PTX4: variants seen among roughly 807,000 people sequenced by gnomAD.
PTX4 encodes the protein pentraxin 4.
In PTX4, 23 loss-of-function variants were observed where a neutral mutation model predicts 19.1. That is an observed-to-expected ratio of 1.20 (90% CI 0.87 to 1.70). PTX4 has a LOEUF of 1.70. PTX4 is among the 40% of genes most tolerant of loss of function. The pLI is 0.00. For synonymous variants in PTX4, 317 were observed against 279.6 expected, an observed-to-expected ratio of 1.13 and a Z score of -1.33; for missense variants, 678 against 610.5, an observed-to-expected ratio of 1.11 and a Z score of -1.17.
intron 1 of PTX4, chr16:1,488,566 G>T: frequency 2.8e-6 from 3 of 1,085,690 alleles, no homozygotes; most frequent in Non-Finnish European, 4.1e-6. Context: ...TATGAGGCTT[G>T]TGTCCTGTGT....
Position 1,488,879 on chromosome 16 carries a change from A to C in PTX4, c.31T>G (p.Phe11Val), listed in dbSNP as rs1047191178. Reference protein sequence around the residue: MGCSWRKTLSFFLVFVPIYLH... With the variant: MGCSWRKTLSVFLVFVPIYLH... Reference sequence around the variant, plus strand: ...TATATAGGCACAAAAACAAGGAAGAAAGACAAGGTCTTCCTCCACGAGCAA... The same window carrying C: ...TATATAGGCACAAAAACAAGGAAGACAGACAAGGTCTTCCTCCACGAGCAA... Residue 11 changes from phenylalanine (F) to valine (V), a missense_variant, in exon 1 of 3, where the codon TTC (phenylalanine) becomes GTC (valine). Physicochemically the swap from Phe to Val is conservative, Grantham distance 50. Transcript: ENST00000447419. 2.0e-5 allele frequency: 14 copies of C among 701,352 alleles called. No individual in the cohort carries two copies. The highest frequency in any genetic ancestry group is 3.4e-5 in the Non-Finnish European group (13 of 383,760). 43.4% of individuals were successfully genotyped at this position (701,352 alleles called of 1,614,324 possible). A position where few individuals can be genotyped will look rare whatever the true frequency, so the allele number is the denominator to read the frequency against.
In PTX4 at chr16:1,486,172, C is replaced by T. The variant is rs368662770; in HGVS notation, c.1204G>A (p.Val402Met). The T allele has an allele frequency of 6.8e-5, 110 of 1,613,926 alleles. No individual in the cohort carries two copies. In the East Asian group the frequency reaches 9.8e-4, roughly 14 times the overall value. Residue 402 changes from valine (V) to methionine (M), a missense_variant, in exon 3 of 3, where the codon GTG becomes ATG. Transcript: ENST00000447419. Reference protein sequence around the residue: ...GYEIPPGGSLVLGQEQDSVGG... With the variant: ...GYEIPPGGSLMLGQEQDSVGG... ...ACGCTGTCTTGTTCCTGGCCCAGCA[C>T]GAGGGACCCTCCGGGGGGGATCTCA...
chr16:1,486,192 A>C lies in PTX4; in HGVS notation c.1184T>G (p.Ile395Ser). ...CAGCACGAGGGACCCTCCGGGGGGG[A>C]TCTCATAGCCCTCCCTGAAGCGGGA... ...TGSRFREGYEIPPGGSLVLGQ... is the reference protein window; with the variant it reads ...TGSRFREGYESPPGGSLVLGQ... Residue 395 changes from isoleucine to serine, a missense_variant, in exon 3 of 3, where the codon ATC becomes AGC. Physicochemically the swap from Ile to Ser is moderately radical, Grantham distance 142. Transcript: ENST00000447419. The C allele has an allele frequency of 6.2e-7, 1 of 1,613,150 alleles. No individual in the cohort carries two copies. The highest frequency in any genetic ancestry group is 1.1e-5 in the South Asian group (1 of 90,976).
intron 1 of PTX4, 143 bp downstream of exon 1, chr16:1,488,626 A>C: frequency 1.5e-6 from 1 of 664,256 alleles, no homozygotes; most frequent in South Asian, 1.9e-5. Flanking sequence ...CAGGTGAAAT[A>C]ATCTTCATGG....
rs779011105 is a variant in PTX4 at position 1,486,367 on chromosome 16, A to C, written c.1009T>G (p.Ser337Ala). The change falls in exon 3 of 3, where the codon TCC becomes GCC. Residue 337 changes from serine to alanine, a missense_variant. Ser to Ala is a moderately conservative substitution (Grantham distance 99). Transcript: ENST00000447419. Reference sequence around the variant, plus strand: ...GGGTCCCCGATCACGAAGTGGATGGATCCGGGCAGCAGGGAGTCTCGGCCG... The same window carrying C: ...GGGTCCCCGATCACGAAGTGGATGGCTCCGGGCAGCAGGGAGTCTCGGCCG... ...LHGRDSLLPG[S>A]IHFVIGDPAF... 2.5e-6 allele frequency: 4 copies of C among 1,613,874 alleles called. No individual in the cohort carries two copies. Among genetic ancestry groups the C allele is most frequent in the Admixed American group, 3.3e-5 (2 of 60,034 alleles).
chr16:1,486,881 GTC>G (rs1441653945), intron 2 of PTX4, among the ~76,000 whole-genome samples: 8 of 152,348 alleles, frequency 5.3e-5, no homozygotes, highest in Middle Eastern at 3.4e-3. Flanking sequence ...CTGCCAGGGA[GTC>G]TCTGCAAATT....
intron 1 of PTX4, chr16:1,488,312 A>C: frequency 6.2e-7 from 1 of 1,606,312 alleles, no homozygotes; most frequent in Non-Finnish European, 8.5e-7. Flanking sequence ...TGGCCTCATG[A>C]GTGCTTTACG....
chr16:1,488,111 G>A (rs2039267058), intron 1 of PTX4, 141 bp from the exon 2 acceptor site: 2 of 1,049,016 alleles, frequency 1.9e-6, no homozygotes, highest in Non-Finnish European at 2.7e-6. Context: ...CCACCGATTT[G>A]ATCCCCACTG....
chr16:1,488,116 C>T (rs1343408948), intron 1 of PTX4, 146 bp from the exon 2 acceptor site: 1 of 1,043,458 alleles, frequency 9.6e-7, no homozygotes, highest in African/African-American at 1.6e-5. Context: ...GATTTGATCC[C>T]CACTGCGATG....
rs2142424013 is a variant in PTX4 at position 1,487,303 on chromosome 16, C to A, written c.796+13G>T. On this transcript the variant is annotated intron_variant, in intron 2 of 2. Coordinates refer to ENST00000447419, the MANE Select transcript of PTX4 (RefSeq NM_001328608.2). ...GGAAGCCTGGCCGTGAGCTGGGAGC[C>A]TGTGGTACTTACTCTCTCCTGGCAC... 2 of 1,515,026 alleles carry A rather than the reference C, an allele frequency of 1.3e-6. No individual in the cohort carries two copies. Among genetic ancestry groups the A allele is most frequent in the Middle Eastern group, 1.8e-4 (1 of 5,452 alleles). The allele number at this position is 1,515,026 out of a possible 1,614,324, so 93.8% of individuals were successfully genotyped here.
At position 1,486,134 on chromosome 16, in the gene PTX4, G is replaced by A. The variant is rs200064109; in HGVS notation, c.1242C>T (p.Phe414=). The stretch of plus-strand genomic sequence containing the variant: ...TCCCCACGAAGGCCTCGGAGCTGTC[G>A]AATCCGCCCCCCACGCTGTCTTGTT... The part of the protein sequence containing the change: ...GQEQDSVGGG[F]DSSEAFVGSM... The change falls in exon 3 of 3, where the codon TTC becomes TTT. Residue 414 remains phenylalanine, a synonymous_variant. Coordinates refer to ENST00000447419, the MANE Select transcript of PTX4 (RefSeq NM_001328608.2). 1.6e-5 allele frequency: 26 copies of A among 1,614,176 alleles called. No homozygotes were observed. The Admixed American group carries it at 1.8e-4, about 11-fold the overall frequency.
rs879648574 is a variant in PTX4 at position 1,488,791 on chromosome 16, C to T, written c.119G>A (p.Arg40Lys). 2.1e-5 allele frequency: 15 copies of T among 701,918 alleles called. No individual in the cohort carries two copies. In the Admixed American group the frequency reaches 3.0e-4, roughly 14 times the overall value. The allele number at this position is 701,918 out of a possible 1,614,324, so 43.5% of individuals were successfully genotyped here. A position where few individuals can be genotyped will look rare whatever the true frequency, so the allele number is the denominator to read the frequency against. ...TGCCTGTTCCTCCAGCCTACGGAGC[C>T]TCTCGAAAAACGGTTTCCTGGGCCC... is the stretch of plus-strand genomic sequence containing the variant. ...PVGPRKPFFERLRRLEEQFRR... is the reference protein window; with the variant it reads ...PVGPRKPFFEKLRRLEEQFRR... The change falls in exon 1 of 3, where the codon AGG becomes AAG. Residue 40 changes from arginine (R) to lysine (K), a missense_variant. Arg to Lys is a conservative substitution (Grantham distance 26). Transcript: ENST00000447419.
At chr16:1,488,230 C>A in intron 1 of PTX4, 1 of 1,469,660 alleles carries the variant, frequency 6.8e-7, no homozygotes. Flanking sequence ...CCCCACCGCT[C>A]ACCCCATAAC....
At position 1,486,245 on chromosome 16, in the gene PTX4, G is replaced by A. The variant is rs767381435; in HGVS notation, c.1131C>T (p.His377=). Residue 377 remains histidine (H), a synonymous_variant, in exon 3 of 3, where the codon CAC becomes CAT. Coordinates refer to ENST00000447419, the MANE Select transcript of PTX4 (RefSeq NM_001328608.2). The part of the protein sequence containing the change: ...WTSTQGRYWL[H]VDRRLVATGS... ...CGGTGGCCACCAGCCTGCGATCCACGTGGAGCCAGTACCTGCCCTGGGTGG... is the reference window on the plus strand; with the variant it reads ...CGGTGGCCACCAGCCTGCGATCCACATGGAGCCAGTACCTGCCCTGGGTGG... 3.1e-5 allele frequency: 50 copies of A among 1,612,436 alleles called. No individual in the cohort carries two copies. The East Asian group carries it at 3.8e-4, about 12-fold the overall frequency.
chr16:1,488,940 C>T lies in PTX4; in HGVS notation c.-31G>A. 1 of 676,180 alleles carries T rather than the reference C, an allele frequency of 1.5e-6. No individual in the cohort carries two copies. The allele number at this position is 676,180 out of a possible 1,614,324, so 41.9% of individuals were successfully genotyped here. A position where few individuals can be genotyped will look rare whatever the true frequency, so the allele number is the denominator to read the frequency against. On this transcript the variant is annotated 5_prime_UTR_variant, in exon 1 of 3. Transcript: ENST00000447419. ...GAGACGGCAAGGCCCCAGCAGTCTC[C>T]CTCCAGCCGCAGGAGAGGGTGAAGG...
rs746126250 is a variant in PTX4 at position 1,487,591 on chromosome 16, C to T, written c.521G>A (p.Arg174Gln). Residue 174 changes from arginine (R) to glutamine (Q), a missense_variant, in exon 2 of 3, where the codon CGG becomes CAG. Physicochemically the swap from Arg to Gln is conservative, Grantham distance 43 (BLOSUM62 1). Transcript: ENST00000447419. ...AGTGCCAGGGTGGGCCACGGGCAGC[C>T]GCCCCTCCAGAGCAGCCAGCCTGGC... ...QGARLAALEG[R>Q]LPVAHPGTAA... The T allele has an allele frequency of 9.0e-6, 14 of 1,556,996 alleles. No individual in the cohort carries two copies. Among genetic ancestry groups the T allele is most frequent in the East Asian group, 6.8e-5 (3 of 43,896 alleles).
chr16:1,488,012 G>C, intron 1 of PTX4, 42 bp from the exon 2 acceptor site: 1 of 1,517,240 alleles, frequency 6.6e-7, no homozygotes, highest in Non-Finnish European at 8.9e-7. Flanking sequence ...GCCGGGCCGG[G>C]CCGGCTGGGC....
Position 1,487,882 on chromosome 16 carries a change from C to T in PTX4, c.230G>A (p.Arg77Gln), listed in dbSNP as rs375864861. 1.3e-4 allele frequency: 207 copies of T among 1,612,916 alleles called. No homozygotes were observed. Among genetic ancestry groups the T allele is most frequent in the Middle Eastern group, 3.3e-4 (2 of 6,060 alleles). Residue 77 changes from arginine (R) to glutamine (Q), a missense_variant, in exon 2 of 3, where the codon CGG becomes CAG. Arg to Gln is a conservative substitution (Grantham distance 43, BLOSUM62 1). Coordinates refer to ENST00000447419, the MANE Select transcript of PTX4 (RefSeq NM_001328608.2). ...NVSYNVDVRF[R>Q]SLAEESQAVA... is the part of the protein sequence containing the mutation. ...AGCCTGGCTCTCTTCCGCCAGGCTC[C>T]GGAACCGGACGTCAACGTTGTAGGA... is the stretch of plus-strand genomic sequence containing the variant.
rs746961180 is a variant in PTX4, at chr16:1,486,374, C to T, written c.1002G>A (p.Leu334=). ...CGATCACGAAGTGGATGGATCCGGG[C>T]AGCAGGGAGTCTCGGCCGTGCAGCA... ...KLVLHGRDSL[L]PGSIHFVIGD... is the part of the protein sequence containing the mutation. Residue 334 remains leucine, a synonymous_variant, in exon 3 of 3, where the codon CTG becomes CTA. Coordinates refer to ENST00000447419, the MANE Select transcript of PTX4 (RefSeq NM_001328608.2). 2.5e-6 allele frequency: 4 copies of T among 1,613,972 alleles called. No homozygotes were observed. Among genetic ancestry groups the T allele is most frequent in the South Asian group, 2.2e-5 (2 of 91,082 alleles).
Sources: gnomAD v4.1 joint callset for allele counts (sites outside exome capture counted in the v4.1 genomes callset) on GRCh38, gnomAD v4.1.1 for gene constraint, MANE v1.5 for transcripts, NCBI Gene and HGNC (gene_info 2026-07-23, HGNC 2026-07-21) for gene names.